The following ANKRD30B variants were observed in gnomAD, a reference collection of about 807,000 sequenced individuals.
ANKRD30B encodes the protein ankyrin repeat domain 30B, also known as ankyrin repeat domain-containing protein 30B.
Under a neutral mutation model 202.2 loss-of-function variants are expected in ANKRD30B, and 144 were observed. The observed-to-expected ratio is 0.71, with a 90% confidence interval of 0.62 to 0.82. The LOEUF is 0.82. ANKRD30B is among the 40% of genes least tolerant of loss of function. ANKRD30B has a pLI of 0.00. For missense variants in ANKRD30B, 1,487 were observed against 1,669.1 expected, an observed-to-expected ratio of 0.89 and a Z score of 1.90; for synonymous variants, 508 against 561.3, an observed-to-expected ratio of 0.91 and a Z score of 1.34.
At chr18:14,839,136 C>G (rs1971301103) in intron 36 of ANKRD30B, among the ~76,000 whole-genome samples, 1 of 152,138 alleles carries the variant, frequency 6.6e-6, no homozygotes, top group African/African-American at 2.4e-5. Flanking sequence ...CAGTGAGTCT[C>G]TGAATATCCA....
chr18:14,909,678 A>G, the ANKRD30B span, among the ~76,000 whole-genome samples: 1 of 152,192 alleles, frequency 6.6e-6, no homozygotes, highest in African/African-American at 2.4e-5. Context: ...AAGTGCTGAG[A>G]TTACAGGCAT....
chr18:14,798,723 G>A (rs192479533), intron 20 of ANKRD30B, among the ~76,000 whole-genome samples: 15 of 152,188 alleles, frequency 9.9e-5, no homozygotes, highest in Non-Finnish European at 2.1e-4. Flanking sequence ...TGCCTTTCTG[G>A]GATAGGAACC....
At chr18:14,775,135 A>G (rs1967277570) in intron 9 of ANKRD30B, among the ~76,000 whole-genome samples, 1 of 152,224 alleles carries the variant, frequency 6.6e-6, no homozygotes, top group Non-Finnish European at 1.5e-5. Flanking sequence ...TCAAAAAACA[A>G]ACAAGCAAAC....
chr18:14,940,300 AT>A, the ANKRD30B span, among the ~76,000 whole-genome samples: 7 of 152,336 alleles, frequency 4.6e-5, no homozygotes, highest in African/African-American at 1.7e-4. Flanking sequence ...TGGATGCAGC[AT>A]CTCTCCGAAA....
intron 22 of ANKRD30B, among the ~76,000 whole-genome samples, chr18:14,799,784 A>G (rs1290976767): frequency 1.3e-5 from 2 of 151,954 alleles, no homozygotes; most frequent in Non-Finnish European, 2.9e-5. Flanking sequence ...TTTAAAAATC[A>G]TTACTTGATG....
the ANKRD30B span, among the ~76,000 whole-genome samples, chr18:14,874,417 GA>G: frequency 6.6e-6 from 1 of 152,250 alleles, no homozygotes; most frequent in African/African-American, 2.4e-5. Context: ...GGACTTATTT[GA>G]AAACCCTTTC....
At chr18:14,936,255 G>A in the ANKRD30B span, among the ~76,000 whole-genome samples, 112 of 152,314 alleles carry the variant, frequency 7.4e-4, no homozygotes, top group East Asian at 7.9e-3. Context: ...TGTGTTGGAG[G>A]TGTTTCCCAT....
the ANKRD30B span, among the ~76,000 whole-genome samples, chr18:14,926,941 G>GTGTGTGTGTGTGTGTT: frequency 6.6e-6 from 1 of 152,028 alleles, no homozygotes; most frequent in East Asian, 1.9e-4. Flanking sequence ...GTGTGTGTGT[G>GTGTGTGTGTGTGTGTT]TGTGTGTATG....
At chr18:14,916,061 A>G in the ANKRD30B span, among the ~76,000 whole-genome samples, 1 of 152,208 alleles carries the variant, frequency 6.6e-6, no homozygotes, top group East Asian at 1.9e-4. Context: ...GATTCTTGGA[A>G]TCAATGCCTA....
the ANKRD30B span, among the ~76,000 whole-genome samples, chr18:14,884,220 A>G: frequency 7.1e-6 from 1 of 141,008 alleles, no homozygotes; most frequent in Non-Finnish European, 1.6e-5. Context: ...ACAGACTGTA[A>G]TATTGTAAGC....
At chr18:14,763,302 A>T (rs2081177798) in intron 6 of ANKRD30B, among the ~76,000 whole-genome samples, 1 of 152,112 alleles carries the variant, frequency 6.6e-6, no homozygotes, top group African/African-American at 2.4e-5. Context: ...TAATCCTAGC[A>T]CTTTGGGAGG....
chr18:14,798,833 G>C (rs985866163), intron 20 of ANKRD30B, among the ~76,000 whole-genome samples: 4 of 152,218 alleles, frequency 2.6e-5, no homozygotes, highest in African/African-American at 9.6e-5. Context: ...GTCCAACCTG[G>C]CATTGTCTTT....
In ANKRD30B at chr18:14,837,652, T is replaced by C; in HGVS notation, c.2964T>C (p.Asp988=). ...CATCAGAATTAGGAAGAAAAGAAGATACAAAATCAACTTCAGATTCTGAGG... is the reference window on the plus strand; with the variant it reads ...CATCAGAATTAGGAAGAAAAGAAGACACAAAATCAACTTCAGATTCTGAGG... ...MPTSELGRKE[D]TKSTSDSEII... is the part of the protein sequence containing the mutation. The change falls in exon 36 of 44, where the codon GAT becomes GAC. Residue 988 remains aspartate, a synonymous_variant. Transcript: ENST00000690538. The C allele has an allele frequency of 6.5e-7, 1 of 1,541,480 alleles. No homozygotes were observed. Among genetic ancestry groups the C allele is most frequent in the South Asian group, 1.2e-5 (1 of 81,894 alleles).
At position 14,752,868 on chromosome 18, in the gene ANKRD30B, A is replaced by C. The variant is rs1250565953; in HGVS notation, c.366A>C (p.Ala122=). 1.2e-6 allele frequency: 2 copies of C among 1,610,208 alleles called. No individual in the cohort carries two copies. Among genetic ancestry groups the C allele is most frequent in the Non-Finnish European group, 1.7e-6 (2 of 1,177,894 alleles). ...KALQCEREAC[A]NILIDAGADL... Reference sequence around the variant, plus strand: ...TACAATGCGAGAGGGAGGCTTGTGCAAATATTCTCATAGATGCTGGTGCTG... The same window carrying C: ...TACAATGCGAGAGGGAGGCTTGTGCCAATATTCTCATAGATGCTGGTGCTG... Residue 122 remains alanine, a synonymous_variant, in exon 3 of 44, where the codon GCA becomes GCC. Transcript: ENST00000690538.
intron 27 of ANKRD30B, 25 bp from the exon 28 acceptor site, chr18:14,810,083 T>C (rs1741852874): frequency 6.8e-7 from 1 of 1,480,902 alleles, no homozygotes. Flanking sequence ...TATCTATTAA[T>C]TTTTGTGTTT....
intron 8 of ANKRD30B, among the ~76,000 whole-genome samples, chr18:14,769,990 T>C (rs1916866180): frequency 6.6e-6 from 1 of 152,220 alleles, no homozygotes; most frequent in Non-Finnish European, 1.5e-5. Flanking sequence ...GATATAGATA[T>C]GTTATGTTAA....
At chr18:14,799,437 C>A in intron 22 of ANKRD30B, 142 bp downstream of exon 22, 1 of 923,182 alleles carries the variant, frequency 1.1e-6, no homozygotes, top group Non-Finnish European at 1.6e-6. Context: ...CATTAGTATT[C>A]ATGTTTGAGA....
chr18:14,757,585 T>A (rs538375162), intron 4 of ANKRD30B, among the ~76,000 whole-genome samples: 14 of 152,196 alleles, frequency 9.2e-5, no homozygotes, highest in Non-Finnish European at 2.1e-4. Flanking sequence ...CAAATCATAA[T>A]TCCTTGCCCC....
chr18:14,751,988 A>G (rs1246056327), intron 1 of ANKRD30B, among the ~76,000 whole-genome samples: 1 of 152,204 alleles, frequency 6.6e-6, no homozygotes, highest in African/African-American at 2.4e-5. Context: ...TGGCATTTCA[A>G]TGTCAGAGAT....
Sources: allele counts gnomAD v4.1 joint callset (sites outside exome capture counted in the v4.1 genomes callset), GRCh38; gene constraint gnomAD v4.1.1; transcripts MANE v1.5; gene names NCBI Gene and HGNC (gene_info 2026-07-23, HGNC 2026-07-21).